The following SCAF4 variants were observed in gnomAD, a reference collection of about 807,000 sequenced individuals.
The protein encoded by SCAF4 is SR-related and CTD-associated factor 4.
Under a neutral mutation model 129.8 loss-of-function variants are expected in SCAF4, and 25 were observed. That is an observed-to-expected ratio of 0.19 (90% CI 0.14 to 0.27). The LOEUF (loss-of-function observed/expected upper bound fraction) is 0.27. Ranked by LOEUF, SCAF4 falls within the 10% of genes least tolerant of loss-of-function variation. The probability of loss-of-function intolerance (pLI) is 1.00; values close to 1 mark genes in which losing one functional copy is unlikely to be tolerated. For missense variants in SCAF4, 1,246 were observed against 1,457.1 expected (o/e 0.86, Z 2.36); for synonymous variants, 551 against 497.7 (o/e 1.11, Z -1.43).
chr21:31,706,658 C>A, intron 1 of SCAF4: 1 of 335,090 alleles, frequency 3.0e-6, no homozygotes. Flanking sequence ...CCTGCTCCTG[C>A]AAAAGTGGAA....
Position 31,685,477 on chromosome 21 carries a change from C to A in SCAF4, c.2217G>T (p.Leu739=). The A allele has an allele frequency of 6.2e-7, 1 of 1,613,190 alleles. No individual in the cohort carries two copies. The highest frequency in any genetic ancestry group is 8.5e-7 in the Non-Finnish European group (1 of 1,179,512). ...TTATAGGAGGTGGGGGTCCAGGAGG[C>A]AGAAAACCTAGAATAAGAAAAATAA... is the stretch of plus-strand genomic sequence containing the variant. ...FNPMHLPPGF[L]PPGPPPPITP... is the part of the protein sequence containing the mutation. Residue 739 remains leucine, a synonymous_variant, in exon 18 of 20, where the codon CTG becomes CTT. Transcript: ENST00000286835.
At chr21:31,692,318 A>G (rs368209432) in intron 13 of SCAF4, 31 bp downstream of exon 13, 15 of 1,505,688 alleles carry the variant, frequency 1.0e-5, no homozygotes, top group East Asian at 2.3e-5. Flanking sequence ...ACACCTGTCC[A>G]TCGTACTTAA....
rs71193138 is a variant in SCAF4, at chr21:31,700,182, T to TCACA, written c.777+809_777+812dup. Among the ~76,000 whole-genome samples, 69 of 148,464 alleles carry TCACA rather than the reference T, an allele frequency of 4.6e-4. No individual in the cohort carries two copies. In the South Asian group the frequency reaches 5.1e-3, roughly 11 times the overall value. On this transcript the variant is annotated intron_variant, in intron 7 of 19. Transcript: ENST00000286835. Reference sequence around the variant, plus strand: ...AACTAAGGTTAAAATACACACACACTCACACACACACACACAAATAATATA... The same window carrying TCACA: ...AACTAAGGTTAAAATACACACACACTCACACACACACACACACACAAATAATATA...
chr21:31,676,618 A>G (rs1352595332), intron 19 of SCAF4, among the ~76,000 whole-genome samples: 1 of 152,072 alleles, frequency 6.6e-6, no homozygotes, highest in African/African-American at 2.4e-5. Context: ...CCACATTCTC[A>G]TGTCCTGGAT....
At chr21:31,725,177 C>T (rs1490290008) in intron 1 of SCAF4, among the ~76,000 whole-genome samples, 1 of 152,116 alleles carries the variant, frequency 6.6e-6, no homozygotes, top group African/African-American at 2.4e-5. Flanking sequence ...ACATCTTTTC[C>T]ATACAGTAAA....
In SCAF4 at chr21:31,672,238, G is replaced by A; in HGVS notation, c.2605C>T (p.His869Tyr). Residue 869 changes from histidine (H) to tyrosine (Y), a missense_variant, in exon 20 of 20, where the codon CAC (histidine) becomes TAC (tyrosine). Physicochemically the swap from His to Tyr is moderately conservative, Grantham distance 83 (BLOSUM62 2). Around this residue, in one of 6 missense-constraint regions of SCAF4, gnomAD observed 468 missense variants for 605.5 expected, o/e 0.77. Coordinates refer to ENST00000286835, the MANE Select transcript of SCAF4 (RefSeq NM_020706.2). ...GGCATCAAAGGGAACCGCTGTAAGT[G>A]AGGTGGGGGCATTCCTGGAGGGCGC... ...LQRPPGMPPP[H>Y]LQRFPLMPPR... 6.2e-7 allele frequency: 1 copy of A among 1,612,508 alleles called. No individual in the cohort carries two copies. The highest frequency in any genetic ancestry group is 8.5e-7 in the Non-Finnish European group (1 of 1,179,280).
At position 31,694,976 on chromosome 21, in the gene SCAF4, G is replaced by A. The variant is rs1366742307; in HGVS notation, c.1073C>T (p.Pro358Leu). 4 of 1,612,308 alleles carry A rather than the reference G, an allele frequency of 2.5e-6. No individual in the cohort carries two copies. Among genetic ancestry groups the A allele is most frequent in the Non-Finnish European group, 2.5e-6 (3 of 1,179,132 alleles). Residue 358 changes from proline to leucine, a missense_variant, in exon 10 of 20, where the codon CCA becomes CTA. Pro to Leu is a moderately conservative substitution (Grantham distance 98, BLOSUM62 -3). Around this residue, in one of 6 missense-constraint regions of SCAF4, gnomAD observed 236 missense variants for 210.0 expected, o/e 1.12. Coordinates refer to ENST00000286835, the MANE Select transcript of SCAF4 (RefSeq NM_020706.2). ...TGGCATTTGTCCATTAGGAGGAAGT[G>A]GAACCTTTCATTTTTAAAGAAAGTG... is the stretch of plus-strand genomic sequence containing the variant. The part of the protein sequence containing the change: ...IQQDPMHHQV[P>L]LPPNGQMPGF...
Position 31,701,875 on chromosome 21 carries a change from T to G in SCAF4, c.501A>C (p.Thr167=). The G allele has an allele frequency of 6.2e-7, 1 of 1,613,920 alleles. No homozygotes were observed. Among genetic ancestry groups the G allele is most frequent in the Non-Finnish European group, 8.5e-7 (1 of 1,179,980 alleles). ...PPVKVSSEPP[T]QATPNSVPAV... ...CTGGGACGGAGTTTGGAGTGGCTTG[T>G]GTGGGAGGTTCAGAAGAAACTTTTA... Residue 167 remains threonine, a synonymous_variant, in exon 6 of 20, where the codon ACA becomes ACC. Transcript: ENST00000286835.
At chr21:31,731,546 G>T (rs1427852994) in intron 1 of SCAF4, 117 bp downstream of exon 1, 16 of 1,265,080 alleles carry the variant, frequency 1.3e-5, no homozygotes, top group Non-Finnish European at 1.6e-5. Flanking sequence ...CGCCGCCCCG[G>T]AACCGGGGCA....
At chr21:31,718,651 G>A (rs545796651) in intron 1 of SCAF4, among the ~76,000 whole-genome samples, 14 of 152,310 alleles carry the variant, frequency 9.2e-5, no homozygotes, top group East Asian at 3.9e-4. Context: ...TTCCTGCTCC[G>A]ACTGAGCAGA....
chr21:31,677,556 C>G (rs1039307498), intron 19 of SCAF4, among the ~76,000 whole-genome samples: 18 of 152,170 alleles, frequency 1.2e-4, no homozygotes, highest in Non-Finnish European at 2.4e-4. Context: ...TTCTCACAGT[C>G]ACCAGGAGCC....
rs1050231786 is a variant in SCAF4 at position 31,709,874 on chromosome 21, C to T, written c.31-3517G>A. Among the ~76,000 whole-genome samples, 7 of 150,268 alleles carry T rather than the reference C, an allele frequency of 4.7e-5. No homozygotes were observed. The East Asian group carries it at 1.4e-3, about 29-fold the overall frequency. ...ATACTTAAAAAAAAAAAAAAAGGGT[C>T]ATATCTGTTTTAGATGATGCCTAGG... On this transcript the variant is annotated intron_variant, in intron 1 of 19. Coordinates refer to ENST00000286835, the MANE Select transcript of SCAF4 (RefSeq NM_020706.2).
chr21:31,711,723 T>C (rs910681596), intron 1 of SCAF4, among the ~76,000 whole-genome samples: 4 of 152,130 alleles, frequency 2.6e-5, no homozygotes, highest in Non-Finnish European at 5.9e-5. Context: ...ACTGTACAGC[T>C]ATGTTAAGTG....
rs2050347736 is a variant in SCAF4 at position 31,694,892 on chromosome 21, G to A, written c.1157C>T (p.Pro386Leu). 1.2e-6 allele frequency: 2 copies of A among 1,613,986 alleles called. No individual in the cohort carries two copies. Among genetic ancestry groups the A allele is most frequent in the Admixed American group, 1.7e-5 (1 of 60,010 alleles). ...FPPMAQPVIP[P>L]TPPVQQPFQA... Reference sequence around the variant, plus strand: ...GAAAGGCTGCTGCACTGGTGGAGTTGGAGGAATCACAGGCTGAGCCATGGG... The same window carrying A: ...GAAAGGCTGCTGCACTGGTGGAGTTAGAGGAATCACAGGCTGAGCCATGGG... The change falls in exon 10 of 20, where the codon CCA (proline) becomes CTA (leucine). Residue 386 changes from proline to leucine, a missense_variant. Pro to Leu is a moderately conservative substitution (Grantham distance 98). This residue lies in a region of SCAF4 where 236 missense variants were observed against 210.0 expected (regional missense o/e 1.12). Coordinates refer to ENST00000286835, the MANE Select transcript of SCAF4 (RefSeq NM_020706.2).
At chr21:31,703,662 A>C (rs964423762) in intron 4 of SCAF4, 103 bp downstream of exon 4, 7 of 617,094 alleles carry the variant, frequency 1.1e-5, no homozygotes, top group Non-Finnish European at 1.6e-5. Context: ...ACATCGCTAC[A>C]TGAAAATCTT....
In SCAF4 at chr21:31,731,643, C is replaced by G. The variant is rs774640103; in HGVS notation, c.30+20G>C. 6.3e-7 allele frequency: 1 copy of G among 1,589,704 alleles called. No individual in the cohort carries two copies. Among genetic ancestry groups the G allele is most frequent in the Non-Finnish European group, 8.5e-7 (1 of 1,172,938 alleles). ...CTCCCGCAGCAGGCCCGGCACCCCC[C>G]TGCCCCAAACACCCCTTACCTCCTG... is the stretch of plus-strand genomic sequence containing the variant. On this transcript the variant is annotated intron_variant, in intron 1 of 19. Coordinates refer to ENST00000286835, the MANE Select transcript of SCAF4 (RefSeq NM_020706.2).
chr21:31,692,199 G>A (rs2050275437), intron 13 of SCAF4, 150 bp downstream of exon 13: 2 of 609,244 alleles, frequency 3.3e-6, no homozygotes, highest in Non-Finnish European at 5.8e-6. Flanking sequence ...GTTAAATACA[G>A]ATAATTCTAA....
intron 4 of SCAF4, 114 bp downstream of exon 4, chr21:31,703,647 CACAG>C: frequency 1.8e-6 from 1 of 552,110 alleles, no homozygotes; most frequent in South Asian, 4.0e-5. Flanking sequence ...GTTTCAAGCT[CACAG>C]ACATCGCTAC....
At position 31,688,277 on chromosome 21, in the gene SCAF4, A is replaced by T. The variant is rs377343468; in HGVS notation, c.2043+30T>A. 126 of 1,597,578 alleles carry T rather than the reference A, an allele frequency of 7.9e-5. 1 individual carries two copies. The African/African-American group carries it at 1.6e-3, about 20-fold the overall frequency. On this transcript the variant is annotated intron_variant, in intron 16 of 19. Transcript: ENST00000286835. ...TTAGAAAGGGACCTTTCAGGCACTT[A>T]AAGTTTAAGTCATGTCCCAATATTC...
Sources: allele counts gnomAD v4.1 joint callset (sites outside exome capture counted in the v4.1 genomes callset), GRCh38; gene constraint gnomAD v4.1.1; regional missense constraint gnomAD v4.1.1; transcripts MANE v1.5; gene names NCBI Gene and HGNC (gene_info 2026-07-23, HGNC 2026-07-21).